GREB1L: variants seen among roughly 807,000 people sequenced by gnomAD.
GREB1L encodes the protein GREB1 like retinoic acid receptor coactivator.
GREB1L carries 17 observed loss-of-function variants against 200.8 expected under a neutral mutation model. That is an observed-to-expected ratio of 0.08 (90% CI 0.06 to 0.13). The LOEUF (loss-of-function observed/expected upper bound fraction) is 0.13, where lower values mean the gene tolerates loss of function less well. Ranked by LOEUF, GREB1L falls within the 10% of genes least tolerant of loss-of-function variation. The pLI is 1.00. For synonymous variants in GREB1L, 789 were observed against 893.0 expected, an observed-to-expected ratio of 0.88 and a Z score of 2.08; for missense variants, 1,657 against 2,367.7, an observed-to-expected ratio of 0.70 and a Z score of 6.23.
chr18:21,439,903 G>A (rs933389186), intron 8 of GREB1L, among the ~76,000 whole-genome samples: 12 of 152,184 alleles, frequency 7.9e-5, no homozygotes, highest in Non-Finnish European at 1.8e-4. Context: ...TAAAGTACAG[G>A]ATTCAAAGTT....
chr18:21,270,563 T>G (rs1488215612), intron 1 of GREB1L, among the ~76,000 whole-genome samples: 1 of 152,232 alleles, frequency 6.6e-6, no homozygotes, highest in Non-Finnish European at 1.5e-5. Flanking sequence ...ACACCCACTC[T>G]TCGAGTGTCC....
chr18:21,426,884 G>T (rs912358216), intron 7 of GREB1L, among the ~76,000 whole-genome samples: 2 of 151,064 alleles, frequency 1.3e-5, no homozygotes, highest in East Asian at 3.9e-4. Context: ...GCGTGAACCC[G>T]GGAGGCAGAG....
At position 21,523,905 on chromosome 18, in the gene GREB1L, C is replaced by T. The variant is rs1485062031; in HGVS notation, c.*1084C>T. On this transcript the variant is annotated 3_prime_UTR_variant, in exon 33 of 33. Coordinates refer to ENST00000424526, the MANE Select transcript of GREB1L (RefSeq NM_001142966.3). ...CTCTTGTGAGGAGTAAGGAAGACTC[C>T]ATTAAGAGTCTTTTTGATTCATTAA... The T allele has an allele frequency of 6.6e-6, 1 of 152,194 alleles. No homozygotes were observed. The allele number at this position is 152,194 out of a possible 1,614,324, so 9.4% of individuals were successfully genotyped here.
At chr18:21,383,207 C>T (rs895745135) in intron 2 of GREB1L, among the ~76,000 whole-genome samples, 2 of 152,092 alleles carry the variant, frequency 1.3e-5, no homozygotes, top group Non-Finnish European at 2.9e-5. Flanking sequence ...GGATTCATGA[C>T]TGACAGGTCA....
intron 8 of GREB1L, among the ~76,000 whole-genome samples, chr18:21,439,855 A>G (rs1449110999): frequency 1.3e-5 from 2 of 152,246 alleles, no homozygotes; most frequent in African/African-American, 4.8e-5. Flanking sequence ...AAACAAATGT[A>G]TAAGGAAGTG....
Position 21,515,658 on chromosome 18 carries a change from C to CAT in GREB1L, c.5129+15_5129+16dup. 2 of 1,524,160 alleles carry CAT rather than the reference C, an allele frequency of 1.3e-6. No homozygotes were observed. Among genetic ancestry groups the CAT allele is most frequent in the Non-Finnish European group, 1.8e-6 (2 of 1,122,362 alleles). The allele number at this position is 1,524,160 out of a possible 1,614,324, so 94.4% of individuals were successfully genotyped here. The stretch of plus-strand genomic sequence containing the variant: ...TGACTTCAACAGGTAAGTCAGGCCT[C>CAT]ATGGATGCAGGTAATCCTGGCATCT... On this transcript the variant is annotated intron_variant, in intron 29 of 32. Coordinates refer to ENST00000424526, the MANE Select transcript of GREB1L (RefSeq NM_001142966.3).
At chr18:21,301,779 A>C (rs556556924) in intron 1 of GREB1L, among the ~76,000 whole-genome samples, 2 of 152,344 alleles carry the variant, frequency 1.3e-5, no homozygotes, top group South Asian at 4.1e-4. Context: ...ACTAATCTTG[A>C]ATATTTATTC....
At chr18:21,431,597 G>T (rs1173794324) in intron 7 of GREB1L, among the ~76,000 whole-genome samples, 1 of 152,124 alleles carries the variant, frequency 6.6e-6, no homozygotes, top group Non-Finnish European at 1.5e-5. Flanking sequence ...TTCTGCTTTT[G>T]TTGGTGAATA....
intron 7 of GREB1L, among the ~76,000 whole-genome samples, chr18:21,428,397 G>A (rs1444542830): frequency 1.4e-5 from 1 of 69,824 alleles, no homozygotes; most frequent in Non-Finnish European, 2.7e-5. Flanking sequence ...GGTTTTTTTT[G>A]TAGATGCTTT....
At chr18:21,384,599 A>T (rs2040460114) in intron 4 of GREB1L, among the ~76,000 whole-genome samples, 196 bp downstream of exon 4, 1 of 152,202 alleles carries the variant, frequency 6.6e-6, no homozygotes, top group Admixed American at 6.5e-5. Context: ...AAGTATTATC[A>T]TCCCATCTTA....
chr18:21,345,181 G>A (rs1377797211), intron 1 of GREB1L, among the ~76,000 whole-genome samples: 1 of 152,126 alleles, frequency 6.6e-6, no homozygotes, highest in Non-Finnish European at 1.5e-5. Context: ...ATTACTGCTG[G>A]ATATTTCCAT....
At chr18:21,417,254 G>T (rs2031726141) in intron 7 of GREB1L, among the ~76,000 whole-genome samples, 1 of 152,056 alleles carries the variant, frequency 6.6e-6, no homozygotes, top group Non-Finnish European at 1.5e-5. Context: ...AGGTGCGGTG[G>T]CTCACGCCTG....
At chr18:21,429,552 T>A (rs372113310) in intron 7 of GREB1L, among the ~76,000 whole-genome samples, 9 of 151,870 alleles carry the variant, frequency 5.9e-5, no homozygotes, top group Middle Eastern at 3.4e-3. Flanking sequence ...AGAAGTTGAG[T>A]TGGGAAATGC....
chr18:21,388,098 A>T (rs1440640854), intron 4 of GREB1L, among the ~76,000 whole-genome samples: 1 of 152,118 alleles, frequency 6.6e-6, no homozygotes, highest in African/African-American at 2.4e-5. Flanking sequence ...CTTTTGCTTG[A>T]CTTAATGAGC....
chr18:21,331,096 A>G (rs2039100994), intron 1 of GREB1L, among the ~76,000 whole-genome samples: 1 of 152,212 alleles, frequency 6.6e-6, no homozygotes, highest in Non-Finnish European at 1.5e-5. Flanking sequence ...TGTCATTAGC[A>G]AACTTCACTT....
At chr18:21,247,153 A>G (rs1304363754) in intron 1 of GREB1L, among the ~76,000 whole-genome samples, 1 of 152,102 alleles carries the variant, frequency 6.6e-6, no homozygotes, top group Non-Finnish European at 1.5e-5. Context: ...TGGTGACAGC[A>G]ACTCCTTCAA....
intron 7 of GREB1L, among the ~76,000 whole-genome samples, chr18:21,421,936 G>A (rs2032187665): frequency 6.6e-6 from 1 of 152,028 alleles, no homozygotes; most frequent in East Asian, 1.9e-4. Context: ...TATTTCTTTA[G>A]CCACAATGTG....
rs370589003 is a variant in GREB1L, at chr18:21,384,251, G to T, written c.203G>T (p.Arg68Leu). The T allele has an allele frequency of 1.4e-4, 222 of 1,551,274 alleles. No individual in the cohort carries two copies. The highest frequency in any genetic ancestry group is 1.8e-4 in the Non-Finnish European group (202 of 1,146,668). The change falls in exon 4 of 33, where the codon CGC (arginine) becomes CTC (leucine). Residue 68 changes from arginine (R) to leucine (L), a missense_variant. Arg to Leu is a moderately radical substitution (Grantham distance 102). Transcript: ENST00000424526. ...VEDLDKDLVN[R>L]YTQNGSLDFS... ...GATCTGGACAAAGATTTGGTAAACCGCTACACTCAAAATGGAAGTCTGGAT... is the reference window on the plus strand; with the variant it reads ...GATCTGGACAAAGATTTGGTAAACCTCTACACTCAAAATGGAAGTCTGGAT...
At chr18:21,497,212 G>C (rs1447798704) in intron 21 of GREB1L, among the ~76,000 whole-genome samples, 1 of 152,232 alleles carries the variant, frequency 6.6e-6, no homozygotes, top group East Asian at 1.9e-4. Context: ...CCTGCAGCCT[G>C]CCGGCCTCTG....
Sources: allele counts gnomAD v4.1 joint callset (sites outside exome capture counted in the v4.1 genomes callset), GRCh38; gene constraint gnomAD v4.1.1; transcripts MANE v1.5; gene names NCBI Gene and HGNC (gene_info 2026-07-23, HGNC 2026-07-21).